The following PALMD variants were observed in gnomAD, a reference collection of about 807,000 sequenced individuals.
PALMD encodes the protein paralemmin-like protein.
PALMD carries 42 observed loss-of-function variants against 56.2 expected under a neutral mutation model. The observed-to-expected ratio is 0.75, with a 90% CI of 0.58 to 0.97. PALMD has a LOEUF of 0.97. Among genes scored for constraint, PALMD ranks in the 50% least tolerant of loss-of-function variants. The pLI, the probability that PALMD is intolerant of heterozygous loss-of-function variation, is 0.00. For missense variants in PALMD, 660 were observed against 643.8 expected (o/e 1.03, Z -0.27); for synonymous variants, 242 against 222.9 (o/e 1.09, Z -0.76).
chr1:99,692,049 A>G (rs1020442532), intron 7 of PALMD, among the ~76,000 whole-genome samples: 3 of 152,172 alleles, frequency 2.0e-5, no homozygotes, highest in African/African-American at 7.2e-5. Context: ...GCTTAATGTA[A>G]ATATAACATA....
intron 1 of PALMD, among the ~76,000 whole-genome samples, chr1:99,652,054 A>G (rs372980011): frequency 2.0e-5 from 3 of 152,246 alleles, no homozygotes; most frequent in Non-Finnish European, 4.4e-5. Context: ...CTATTCTTAC[A>G]TAGCATTTAG....
intron 1 of PALMD, among the ~76,000 whole-genome samples, chr1:99,652,995 C>T (rs1652630019): frequency 6.6e-6 from 1 of 152,146 alleles, no homozygotes; most frequent in Non-Finnish European, 1.5e-5. Context: ...AGTCATTTTT[C>T]AGAGCACCTA....
At chr1:99,686,887 T>C (rs1338576) in intron 4 of PALMD, 43 bp from the exon 5 acceptor site, 790,817 of 1,436,562 alleles carry the variant, frequency 0.55, 221,008 homozygotes, top group Non-Finnish European at 0.58. Flanking sequence ...TAGATTCTAT[T>C]TTTTAAACTG....
intron 1 of PALMD, among the ~76,000 whole-genome samples, chr1:99,648,746 A>G (rs1323759214): frequency 6.6e-6 from 1 of 152,168 alleles, no homozygotes; most frequent in African/African-American, 2.4e-5. Flanking sequence ...AAAATAAAAT[A>G]ATCTTCACAG....
At chr1:99,681,451 C>T (rs895426520) in intron 3 of PALMD, among the ~76,000 whole-genome samples, 4 of 151,474 alleles carry the variant, frequency 2.6e-5, no homozygotes, top group East Asian at 1.9e-4. Flanking sequence ...AAATCAGGGC[C>T]GAATATTCTC....
At chr1:99,673,151 T>C (rs1290381068) in intron 3 of PALMD, among the ~76,000 whole-genome samples, 2 of 152,146 alleles carry the variant, frequency 1.3e-5, no homozygotes, top group Non-Finnish European at 2.9e-5. Context: ...TTTACTCAAT[T>C]AACTAAAAAG....
intron 3 of PALMD, among the ~76,000 whole-genome samples, chr1:99,671,846 G>T (rs1653095887): frequency 6.6e-6 from 1 of 152,046 alleles, no homozygotes; most frequent in African/African-American, 2.4e-5. Context: ...CACTTACAGA[G>T]GCTAACTCAC....
At chr1:99,652,278 A>G (rs1319526403) in intron 1 of PALMD, among the ~76,000 whole-genome samples, 1 of 152,146 alleles carries the variant, frequency 6.6e-6, no homozygotes, top group Non-Finnish European at 1.5e-5. Flanking sequence ...TATAAACATC[A>G]ACATCACACC....
chr1:99,652,678 AGG>A (rs1491096028), intron 1 of PALMD, among the ~76,000 whole-genome samples: 196 of 98,610 alleles, frequency 2.0e-3, no homozygotes, highest in African/African-American at 6.2e-3. Context: ...AGGAAAGGAA[AGG>A]AAAGGAAAGG....
intron 3 of PALMD, chr1:99,668,909 A>G (rs1653026559): frequency 6.6e-6 from 1 of 152,244 alleles, no homozygotes; most frequent in South Asian, 2.1e-4. Flanking sequence ...AAATATTTAA[A>G]AGATGGAATT....
At chr1:99,677,131 A>C (rs902882060) in intron 3 of PALMD, among the ~76,000 whole-genome samples, 1 of 152,170 alleles carries the variant, frequency 6.6e-6, no homozygotes, top group Admixed American at 6.6e-5. Context: ...GATTTGATAC[A>C]TTTTTTAGAA....
At position 99,649,275 on chromosome 1, in the gene PALMD, TAA is replaced by T. The variant is rs1211449436; in HGVS notation, c.45+2914_45+2915del. 9.2e-5 allele frequency among the ~76,000 whole-genome samples: 14 copies of T among 152,320 alleles called. No homozygotes were observed. In the East Asian group the frequency reaches 1.7e-3, roughly 19 times the overall value. On this transcript the variant is annotated intron_variant, in intron 1 of 7. Transcript: ENST00000263174. The stretch of plus-strand genomic sequence containing the variant: ...ATTTAAACACAGGGCTGCTTAAAAT[TAA>T]TTAACTATTATGTTTGATCTTTAAA...
At chr1:99,687,915 G>A (rs756732776) in intron 6 of PALMD, among the ~76,000 whole-genome samples, 4 of 152,052 alleles carry the variant, frequency 2.6e-5, no homozygotes, top group Non-Finnish European at 5.9e-5. Flanking sequence ...AGGCTATAGA[G>A]GAGGTAAGAA....
chr1:99,693,913 A>G, intron 7 of PALMD, 106 bp from the exon 8 acceptor site: 3 of 730,024 alleles, frequency 4.1e-6, no homozygotes, highest in Non-Finnish European at 7.1e-6. Context: ...GTTGGATAAA[A>G]CCATCTGAGG....
chr1:99,675,198 A>G (rs1384113424), intron 3 of PALMD, among the ~76,000 whole-genome samples: 1 of 152,240 alleles, frequency 6.6e-6, no homozygotes, highest in Non-Finnish European at 1.5e-5. Context: ...TGAAGTAGAT[A>G]AAAAATAGAA....
At chr1:99,663,591 T>TAC (rs1557668980) in intron 2 of PALMD, among the ~76,000 whole-genome samples, 1 of 151,754 alleles carries the variant, frequency 6.6e-6, no homozygotes, top group Non-Finnish European at 1.5e-5. Context: ...TTGCACAATT[T>TAC]ACACACACAC....
intron 3 of PALMD, 137 bp downstream of exon 3, chr1:99,667,903 C>T (rs1018677769): frequency 1.3e-5 from 10 of 754,056 alleles, no homozygotes; most frequent in East Asian, 2.7e-5. Context: ...TTTTAAGGCA[C>T]GCTTTCACAC....
Position 99,689,292 on chromosome 1 carries a change from A to G in PALMD, c.1032A>G (p.Gln344=), listed in dbSNP as rs1200787816. ...CAGAAGAGAAGCTTCACACCCCGCA[A>G]AAAAGGCTAATGACTCCTTGGGAAG... ...QQAEEKLHTP[Q]KRLMTPWEES... Residue 344 remains glutamine, a synonymous_variant, in exon 7 of 8, where the codon CAA becomes CAG. Coordinates refer to ENST00000263174, the MANE Select transcript of PALMD (RefSeq NM_017734.5). The G allele has an allele frequency of 6.2e-7, 1 of 1,613,618 alleles. No homozygotes were observed. The highest frequency in any genetic ancestry group is 2.2e-5 in the East Asian group (1 of 44,830).
intron 3 of PALMD, among the ~76,000 whole-genome samples, chr1:99,671,424 T>C (rs538590735): frequency 6.6e-6 from 1 of 152,014 alleles, no homozygotes; most frequent in African/African-American, 2.4e-5. Flanking sequence ...GAGACAGTTA[T>C]AGCCACTTCA....
Sources: gnomAD v4.1 joint callset for allele counts (sites outside exome capture counted in the v4.1 genomes callset) on GRCh38, gnomAD v4.1.1 for gene constraint, MANE v1.5 for transcripts, NCBI Gene and HGNC (gene_info 2026-07-23, HGNC 2026-07-21) for gene names.